Variants in DTWD2 observed in about 807,000 individuals in gnomAD.
The protein encoded by DTWD2 is DTW motif tRNA-uridine aminocarboxypropyltransferase 2.
In DTWD2, 39 loss-of-function variants were observed where a neutral mutation model predicts 31.8. The ratio of observed to expected loss-of-function variants is 1.22; its 90% CI spans 0.95 to 1.60. The LOEUF (loss-of-function observed/expected upper bound fraction) is 1.60. Among genes scored for constraint, DTWD2 ranks in the 40% most tolerant of loss-of-function variants. DTWD2 has a pLI of 0.00. For synonymous variants in DTWD2, 180 were observed against 142.8 expected, an observed-to-expected ratio of 1.26 and a Z score of -1.86; for missense variants, 515 against 381.5, an observed-to-expected ratio of 1.35 and a Z score of -2.92.
intron 1 of DTWD2, among the ~76,000 whole-genome samples, chr5:118,972,955 G>C (rs1755022143): frequency 6.6e-6 from 1 of 151,948 alleles, no homozygotes; most frequent in African/African-American, 2.4e-5. Flanking sequence ...AGCTCTTCTT[G>C]TTGCTTTGAT....
At chr5:118,966,858 C>T (rs573735434) in intron 1 of DTWD2, among the ~76,000 whole-genome samples, 4 of 151,936 alleles carry the variant, frequency 2.6e-5, no homozygotes, top group South Asian at 2.1e-4. Flanking sequence ...GGTGAAACCC[C>T]GTCTCTATTA....
intron 1 of DTWD2, chr5:118,973,840 G>A (rs1471492981): frequency 6.2e-7 from 1 of 1,612,304 alleles, no homozygotes; most frequent in Admixed American, 1.7e-5. Flanking sequence ...TCACCACCAA[G>A]GACTTACAGG....
chr5:118,880,945 C>G (rs1307416194), intron 4 of DTWD2, among the ~76,000 whole-genome samples: 1 of 152,116 alleles, frequency 6.6e-6, no homozygotes, highest in African/African-American at 2.4e-5. Flanking sequence ...CCTTAAAGCT[C>G]TAATGCTATC....
At chr5:118,978,330 C>CA (rs546838037) in intron 1 of DTWD2, among the ~76,000 whole-genome samples, 62 of 152,176 alleles carry the variant, frequency 4.1e-4, no homozygotes, top group Non-Finnish European at 2.2e-4. Context: ...GATCTCATGA[C>CA]AAAAACACCA....
intron 1 of DTWD2, chr5:118,974,472 T>TC (rs1167583101): frequency 2.1e-6 from 1 of 471,288 alleles, no homozygotes; most frequent in Non-Finnish European, 4.2e-6. Context: ...AAACCAGCCT[T>TC]CGGAGCGTTC....
At chr5:118,918,804 G>A (rs1200203405) in intron 4 of DTWD2, among the ~76,000 whole-genome samples, 2 of 150,684 alleles carry the variant, frequency 1.3e-5, no homozygotes, top group Non-Finnish European at 2.9e-5. Context: ...CCTGGGCAAC[G>A]TGGTAAGACC....
chr5:118,877,168 A>G (rs1752638535), intron 4 of DTWD2, among the ~76,000 whole-genome samples: 1 of 152,180 alleles, frequency 6.6e-6, no homozygotes, highest in Non-Finnish European at 1.5e-5. Flanking sequence ...TTCAACATCC[A>G]TTCATGTTAA....
intron 4 of DTWD2, among the ~76,000 whole-genome samples, chr5:118,916,749 T>G (rs1192103518): frequency 9.9e-5 from 15 of 151,984 alleles, no homozygotes; most frequent in Non-Finnish European, 1.6e-4. Flanking sequence ...TTCAATTTAA[T>G]GTGGAAGAAG....
intron 4 of DTWD2, among the ~76,000 whole-genome samples, chr5:118,875,563 GAAA>G (rs34990814): frequency 2.9e-3 from 129 of 44,552 alleles, no homozygotes; most frequent in African/African-American, 7.7e-3. Flanking sequence ...CCTAGTTTCT[GAAA>G]AAAAAAAAAA....
At chr5:118,942,356 T>C (rs1450632282) in intron 2 of DTWD2, among the ~76,000 whole-genome samples, 1 of 150,100 alleles carries the variant, frequency 6.7e-6, no homozygotes, top group African/African-American at 2.5e-5. Context: ...AAACAGAAAA[T>C]AATAATAATA....
chr5:118,855,606 G>C (rs991284130), intron 4 of DTWD2, among the ~76,000 whole-genome samples: 1 of 151,892 alleles, frequency 6.6e-6, no homozygotes, highest in Non-Finnish European at 1.5e-5. Context: ...GTAAATATTG[G>C]GCCTAGTGAT....
rs879894997 is a variant in DTWD2, at chr5:118,839,968, AT to A, written c.*948del. 5.3e-5 allele frequency: 8 copies of A among 152,138 alleles called. No individual in the cohort carries two copies. The highest frequency in any genetic ancestry group is 1.2e-4 in the Non-Finnish European group (8 of 68,010). 9.4% of individuals were successfully genotyped at this position (152,138 alleles called of 1,614,324 possible). On this transcript the variant is annotated 3_prime_UTR_variant, in exon 6 of 6. Coordinates refer to ENST00000510708, the MANE Select transcript of DTWD2 (RefSeq NM_173666.4). ...AACTCATAAACAAAGACTAAACAAA[AT>A]CCCCTCTTCCTGCCAAAATGTGTAC...
At chr5:118,957,508 C>T (rs1451311108) in intron 1 of DTWD2, among the ~76,000 whole-genome samples, 2 of 152,142 alleles carry the variant, frequency 1.3e-5, no homozygotes, top group Non-Finnish European at 2.9e-5. Flanking sequence ...GTGTGAGCCA[C>T]CGCACCTGGC....
At chr5:118,983,737 T>C (rs1327089113) in intron 1 of DTWD2, among the ~76,000 whole-genome samples, 5 of 152,204 alleles carry the variant, frequency 3.3e-5, no homozygotes, top group Non-Finnish European at 7.4e-5. Context: ...ATCTTAACGC[T>C]TCTTCAGCAA....
chr5:118,947,636 A>C (rs1174004603), intron 1 of DTWD2, among the ~76,000 whole-genome samples: 2 of 152,132 alleles, frequency 1.3e-5, no homozygotes, highest in Non-Finnish European at 2.9e-5. Context: ...GGTTTTGGAA[A>C]AGACAGCATT....
At chr5:118,865,798 A>G (rs1356804200) in intron 4 of DTWD2, among the ~76,000 whole-genome samples, 4 of 152,152 alleles carry the variant, frequency 2.6e-5, no homozygotes, top group Non-Finnish European at 2.9e-5. Flanking sequence ...CATTTTTTTC[A>G]TAAAGAATAT....
intron 4 of DTWD2, among the ~76,000 whole-genome samples, chr5:118,884,937 A>C (rs1204614504): frequency 2.8e-5 from 4 of 143,716 alleles, no homozygotes; most frequent in African/African-American, 7.9e-5. Flanking sequence ...CGGAGCTTGC[A>C]GTGAGCCGAG....
At chr5:118,940,543 TTTTCTA>T (rs1421322255) in intron 2 of DTWD2, among the ~76,000 whole-genome samples, 1 of 152,176 alleles carries the variant, frequency 6.6e-6, no homozygotes. Flanking sequence ...TATATGTTGT[TTTTCTA>T]TTTCTTGATT....
intron 1 of DTWD2, among the ~76,000 whole-genome samples, chr5:118,974,954 A>T (rs1032061431): frequency 2.0e-5 from 3 of 152,090 alleles, no homozygotes; most frequent in Non-Finnish European, 4.4e-5. Context: ...GCTGCCCTTA[A>T]CATTTTTTCC....
Sources: allele counts gnomAD v4.1 joint callset (sites outside exome capture counted in the v4.1 genomes callset), GRCh38; gene constraint gnomAD v4.1.1; transcripts MANE v1.5; gene names NCBI Gene and HGNC (gene_info 2026-07-23, HGNC 2026-07-21).